The following RGS12 variants were observed in gnomAD, a reference collection of about 807,000 sequenced individuals.
The protein encoded by RGS12 is regulator of G protein signaling 12, also known as regulator of G-protein signaling 12.
A neutral mutation model predicts 120.1 loss-of-function variants in RGS12; 66 were observed. The ratio of observed to expected loss-of-function variants is 0.55; its 90% CI spans 0.45 to 0.67. The LOEUF is 0.67. Ranked by LOEUF, RGS12 falls within the 30% of genes least tolerant of loss-of-function variation. The pLI, the probability that RGS12 is intolerant of heterozygous loss-of-function variation, is 0.00. For synonymous variants in RGS12, 827 were observed against 804.7 expected (o/e 1.03, Z -0.47); for missense variants, 1,859 against 1,957.7 (o/e 0.95, Z 0.95).
At position 3,428,091 on chromosome 4, in the gene RGS12, A is replaced by G. The variant is rs1217609128; in HGVS notation, c.3333A>G (p.Ala1111=). 2 of 1,613,100 alleles carry G rather than the reference A, an allele frequency of 1.2e-6. No homozygotes were observed. The highest frequency in any genetic ancestry group is 1.1e-5 in the South Asian group (1 of 91,076). The change falls in exon 15 of 18, where the codon GCA becomes GCG. Residue 1111 remains alanine (A), a splice_region_variant and synonymous_variant. Coordinates refer to ENST00000336727, the MANE Select transcript of RGS12 (RefSeq NM_001394154.1). The part of the protein sequence containing the change: ...LEEKDPSRGK[A]SADKQKGVPV... ...GTCATAAAGCTTTCTTATGTTTAGC[A>G]TCCGCAGATAAACAGAAAGGTGTGC...
At chr4:3,430,040 G>C (rs960443403) in intron 16 of RGS12, among the ~76,000 whole-genome samples, 2 of 152,230 alleles carry the variant, frequency 1.3e-5, no homozygotes, top group South Asian at 4.1e-4. Flanking sequence ...CCAGTCCTCA[G>C]AGGGCCCCAA....
At position 3,428,800 on chromosome 4, in the gene RGS12, A is replaced by C. The variant is rs1180810237; in HGVS notation, c.3565+89A>C. On this transcript the variant is annotated intron_variant, in intron 16 of 17. Transcript: ENST00000336727. ...AGTAGATCTGCTTTGAGCTGTCAGC[A>C]TCTGGGTGACTGCGGTCCGTCCCTG... 3.4e-6 allele frequency: 4 copies of C among 1,181,586 alleles called. No homozygotes were observed. The African/African-American group carries it at 4.6e-5, about 14-fold the overall frequency. The allele number at this position is 1,181,586 out of a possible 1,614,324, so 73.2% of individuals were successfully genotyped here.
At chr4:3,370,406 C>A in intron 3 of RGS12, 2 of 1,229,306 alleles carry the variant, frequency 1.6e-6, no homozygotes, top group East Asian at 2.3e-5. Flanking sequence ...CGAGTGGCAG[C>A]TGTGGGACCT....
At chr4:3,378,550 T>G (rs1050301246) in intron 3 of RGS12, 6 of 152,170 alleles carry the variant, frequency 3.9e-5, no homozygotes, top group Non-Finnish European at 7.3e-5. Flanking sequence ...CATAAGGAAC[T>G]CATACAACTC....
At position 3,372,456 on chromosome 4, in the gene RGS12, C is replaced by T. The variant is rs2108897628; in HGVS notation, c.1999-13960C>T. 6.6e-6 allele frequency among the ~76,000 whole-genome samples: 1 copy of T among 152,354 alleles called. No homozygotes were observed. Among genetic ancestry groups the T allele is most frequent in the East Asian group, 1.9e-4 (1 of 5,174 alleles). ...CTGGCGCACGGCTGGACAAGCATGA[C>T]AGTTGTCGCGGAGCCGCCCGAGCTG... On this transcript the variant is annotated intron_variant, in intron 3 of 17. Transcript: ENST00000336727. This position sits in a 1 kb window ranked among gnomAD's most constrained non-coding sequence, Gnocchi z 4.3.
At chr4:3,293,481 G>C (rs1578657644) in intron 1 of RGS12, among the ~76,000 whole-genome samples, 1 of 151,786 alleles carries the variant, frequency 6.6e-6, no homozygotes, top group African/African-American at 2.4e-5. Context: ...ATGCGCCCGG[G>C]AGCGCTGGGA....
At chr4:3,328,054 C>T (rs1725680317) in intron 2 of RGS12, among the ~76,000 whole-genome samples, 1 of 152,228 alleles carries the variant, frequency 6.6e-6, no homozygotes, top group Admixed American at 6.5e-5. Context: ...GAATACTATT[C>T]AGCCATCAAA....
intron 17 of RGS12, among the ~76,000 whole-genome samples, chr4:3,438,362 G>A (rs1577116989): frequency 6.6e-6 from 1 of 151,474 alleles, no homozygotes; most frequent in Non-Finnish European, 1.5e-5. Context: ...CACCCCCACC[G>A]CACAGATGGG....
intron 3 of RGS12, chr4:3,385,787 CCTG>C (rs1367380595): frequency 6.5e-6 from 1 of 153,826 alleles, no homozygotes; most frequent in Non-Finnish European, 1.4e-5. Context: ...CCCCAACCCT[CCTG>C]CTGGTGGCCG....
At chr4:3,321,602 C>T (rs527299163) in intron 2 of RGS12, among the ~76,000 whole-genome samples, 1 of 152,342 alleles carries the variant, frequency 6.6e-6, no homozygotes, top group Admixed American at 6.5e-5. Context: ...CCCCCAAGGG[C>T]ATCTCACTCC....
In RGS12 at chr4:3,307,350, C is replaced by T. The variant is rs73792402; in HGVS notation, c.-101-8720C>T. 8.8e-3 allele frequency among the ~76,000 whole-genome samples: 1,338 copies of T among 152,332 alleles called. 18 individuals are homozygous for T. Among genetic ancestry groups the T allele is most frequent in the African/African-American group, 0.031 (1,278 of 41,574 alleles). Reference sequence around the variant, plus strand: ...GCACACGGCATGAGGTCCGTCTCCACCAAGCCAGCCTGGGGTGGGATGCTG... The same window carrying T: ...GCACACGGCATGAGGTCCGTCTCCATCAAGCCAGCCTGGGGTGGGATGCTG... On this transcript the variant is annotated intron_variant, in intron 1 of 17. Transcript: ENST00000336727.
At chr4:3,415,054 CTGTG>C (rs1307209058) in intron 6 of RGS12, among the ~76,000 whole-genome samples, 2 of 104,120 alleles carry the variant, frequency 1.9e-5, no homozygotes, top group Non-Finnish European at 4.0e-5. Flanking sequence ...AGAGGGCCAC[CTGTG>C]TGTGAGGGGC....
At chr4:3,378,546 G>A (rs1354935371) in intron 3 of RGS12, 1 of 152,116 alleles carries the variant, frequency 6.6e-6, no homozygotes, top group African/African-American at 2.4e-5. Context: ...AATACATAAG[G>A]AACTCATACA....
intron 7 of RGS12, among the ~76,000 whole-genome samples, chr4:3,416,608 A>G (rs2109120534): frequency 6.6e-6 from 1 of 152,260 alleles, no homozygotes; most frequent in East Asian, 1.9e-4. Context: ...TTTGGTTTTA[A>G]TCTTATTTAA....
intron 17 of RGS12, among the ~76,000 whole-genome samples, chr4:3,436,953 C>T (rs187277088): frequency 6.6e-6 from 1 of 152,356 alleles, no homozygotes; most frequent in Non-Finnish European, 1.5e-5. Flanking sequence ...CCAGTGTGGC[C>T]TCAGGTCTGG....
chr4:3,307,621 G>A (rs1424761000), intron 1 of RGS12, among the ~76,000 whole-genome samples: 1 of 152,202 alleles, frequency 6.6e-6, no homozygotes, highest in Non-Finnish European at 1.5e-5. Flanking sequence ...CCCCTCACTC[G>A]GCAGGCGTGG....
At chr4:3,309,115 A>G (rs1242256900) in intron 1 of RGS12, among the ~76,000 whole-genome samples, 864 of 40,284 alleles carry the variant, frequency 0.021, 1 homozygote, top group African/African-American at 0.065. Flanking sequence ...AACCGTGTTG[A>G]GGAGGAGCTG....
chr4:3,346,990 A>ATT (rs138348703), intron 3 of RGS12, among the ~76,000 whole-genome samples: 62 of 148,552 alleles, frequency 4.2e-4, no homozygotes, highest in Middle Eastern at 3.4e-3. Flanking sequence ...GAGGGAACAG[A>ATT]TTTTTTTTTT....
chr4:3,310,583 C>T (rs191330330), intron 1 of RGS12, among the ~76,000 whole-genome samples: 1 of 152,260 alleles, frequency 6.6e-6, no homozygotes, highest in African/African-American at 2.4e-5. Context: ...CTTGGAGGGC[C>T]TCTCAGGTGA....
Sources: gnomAD v4.1 joint callset for allele counts (sites outside exome capture counted in the v4.1 genomes callset) on GRCh38, gnomAD v4.1.1 for gene constraint, Gnocchi (gnomAD v3.1) non-coding constraint, MANE v1.5 for transcripts, NCBI Gene and HGNC (gene_info 2026-07-23, HGNC 2026-07-21) for gene names.